The following CAP1 variants were observed in gnomAD, a reference collection of about 807,000 sequenced individuals.
CAP1 encodes the protein cyclase associated actin cytoskeleton regulatory protein 1.
Under a neutral mutation model 58.2 loss-of-function variants are expected in CAP1, and 11 were observed. That is an observed-to-expected ratio of 0.19 (90% CI 0.12 to 0.31). CAP1 has a LOEUF of 0.31. Ranked by LOEUF, CAP1 falls within the 10% of genes least tolerant of loss-of-function variation. CAP1 has a pLI of 1.00. For synonymous variants in CAP1, 183 were observed against 213.8 expected (o/e 0.86, Z 1.26); for missense variants, 423 against 587.5 (o/e 0.72, Z 2.89).
intron 1 of CAP1, among the ~76,000 whole-genome samples, chr1:40,042,902 C>T (rs1021741981): frequency 1.3e-5 from 2 of 152,068 alleles, no homozygotes; most frequent in African/African-American, 4.8e-5. Flanking sequence ...AGCGCGATTG[C>T]CTGGCTTTCT....
At chr1:40,047,094 T>A (rs927835532) in intron 1 of CAP1, among the ~76,000 whole-genome samples, 1 of 135,742 alleles carries the variant, frequency 7.4e-6, no homozygotes, top group Non-Finnish European at 1.6e-5. Context: ...ACAGTAAAAA[T>A]AGGGTATTAT....
intron 12 of CAP1, 37 bp from the exon 13 acceptor site, chr1:40,071,413 C>T: frequency 9.0e-6 from 13 of 1,452,234 alleles, no homozygotes; most frequent in African/African-American, 2.8e-5. Context: ...TGTTCTTTAG[C>T]TCAGATTTAA....
In CAP1 at chr1:40,054,193, C is replaced by CTTTTTTTTTTTT. The variant is rs398052925; in HGVS notation, c.-10-5141_-10-5130dup. On this transcript the variant is annotated intron_variant, in intron 1 of 12. Transcript: ENST00000372805. ...CAAACACCTTTATTAGCCCACTGTT[C>CTTTTTTTTTTTT]TTTTTTTTTTTTTTGGAAACATAAT... Among the ~76,000 whole-genome samples, 784 of 135,898 alleles carry CTTTTTTTTTTTT rather than the reference C, an allele frequency of 5.8e-3. 7 individuals carry two copies. Among genetic ancestry groups the CTTTTTTTTTTTT allele is most frequent in the Admixed American group, 0.021 (275 of 13,062 alleles). 89.2% of individuals were successfully genotyped at this position (135,898 alleles called of 152,430 possible). A position where few individuals can be genotyped will look rare whatever the true frequency, so the allele number is the denominator to read the frequency against.
At chr1:40,055,770 A>G (rs1036978174) in intron 1 of CAP1, among the ~76,000 whole-genome samples, 4 of 152,182 alleles carry the variant, frequency 2.6e-5, no homozygotes, top group South Asian at 4.1e-4. Flanking sequence ...TGGCCTCCCA[A>G]AGTGCTGGGA....
chr1:40,069,990 A>T, intron 9 of CAP1, 116 bp downstream of exon 9: 1 of 1,386,750 alleles, frequency 7.2e-7, no homozygotes, highest in Non-Finnish European at 9.7e-7. Context: ...GCTTACCGCA[A>T]CCTCCGCCTC....
chr1:40,053,507 ATGGC>A (rs1219727350), intron 1 of CAP1, among the ~76,000 whole-genome samples: 1 of 152,010 alleles, frequency 6.6e-6, no homozygotes, highest in Non-Finnish European at 1.5e-5. Flanking sequence ...CTGGAGTGTA[ATGGC>A]GTGAACTCGG....
At chr1:40,045,643 C>T (rs1208869481) in intron 1 of CAP1, among the ~76,000 whole-genome samples, 4 of 152,096 alleles carry the variant, frequency 2.6e-5, no homozygotes, top group Non-Finnish European at 5.9e-5. Flanking sequence ...GCAACCTCCC[C>T]CTCCCGGGTT....
At position 40,042,183 on chromosome 1, in the gene CAP1, G is replaced by A. The variant is rs1467313178; in HGVS notation, c.-11+1382G>A. ...TGATCCACCGTGCCCGGCCCCACCA[G>A]ACGTTTATTAAGACCTTAATATGTA... On this transcript the variant is annotated intron_variant, in intron 1 of 12. Transcript: ENST00000372805. Among the ~76,000 whole-genome samples, 3 of 152,208 alleles carry A rather than the reference G, an allele frequency of 2.0e-5. No individual in the cohort carries two copies. The East Asian group carries it at 5.8e-4, about 29-fold the overall frequency.
chr1:40,063,547 C>T (rs895625486), intron 4 of CAP1, among the ~76,000 whole-genome samples: 19 of 152,180 alleles, frequency 1.2e-4, no homozygotes, highest in African/African-American at 4.6e-4. Flanking sequence ...CTCCTGGTCT[C>T]AAGCAGTTCT....
At chr1:40,058,031 C>T (rs1400722274) in intron 1 of CAP1, among the ~76,000 whole-genome samples, 1 of 152,200 alleles carries the variant, frequency 6.6e-6, no homozygotes, top group Non-Finnish European at 1.5e-5. Flanking sequence ...TGAACATCTA[C>T]TACCTGCCAG....
chr1:40,058,759 A>G (rs72937415), intron 1 of CAP1, among the ~76,000 whole-genome samples: 4,277 of 152,158 alleles, frequency 0.028, 201 homozygotes, highest in African/African-American at 0.095. Flanking sequence ...TAAACATCCT[A>G]TTCATCTTGG....
At chr1:40,052,223 G>T (rs547445173) in intron 1 of CAP1, among the ~76,000 whole-genome samples, 2 of 152,088 alleles carry the variant, frequency 1.3e-5, no homozygotes, top group African/African-American at 2.4e-5. Context: ...GTGATTACTC[G>T]TATCTATGAA....
At chr1:40,050,755 T>C (rs1646326327) in intron 1 of CAP1, among the ~76,000 whole-genome samples, 1 of 152,174 alleles carries the variant, frequency 6.6e-6, no homozygotes, top group Non-Finnish European at 1.5e-5. Context: ...TAGACCCTAA[T>C]ATCATCACTT....
chr1:40,071,665 C>T lies in CAP1; in HGVS notation c.*132C>T. The T allele has an allele frequency of 1.6e-6, 1 of 619,974 alleles. No individual in the cohort carries two copies. The highest frequency in any genetic ancestry group is 1.8e-5 in the African/African-American group (1 of 54,202). 38.4% of individuals were successfully genotyped at this position (619,974 alleles called of 1,614,324 possible). On this transcript the variant is annotated 3_prime_UTR_variant, in exon 13 of 13. Transcript: ENST00000372805. ...TCTCTGCTCTGAGAAGCACAGCTACCTGCCTTCACTGAAATATACCTCAGG... is the reference window on the plus strand; with the variant it reads ...TCTCTGCTCTGAGAAGCACAGCTACTTGCCTTCACTGAAATATACCTCAGG...
intron 1 of CAP1, among the ~76,000 whole-genome samples, chr1:40,049,953 A>G (rs138056094): frequency 1.3e-5 from 2 of 152,278 alleles, no homozygotes; most frequent in East Asian, 3.9e-4. Context: ...ATGACCTCCT[A>G]GGGCAGAACC....
intron 1 of CAP1, among the ~76,000 whole-genome samples, chr1:40,053,912 T>C (rs1557680501): frequency 6.6e-6 from 1 of 152,246 alleles, no homozygotes; most frequent in Non-Finnish European, 1.5e-5. Flanking sequence ...CTATATTTAA[T>C]TGATATTATA....
intron 1 of CAP1, among the ~76,000 whole-genome samples, chr1:40,049,724 C>A (rs4556345): frequency 0.12 from 18,094 of 152,092 alleles, 1,202 homozygotes; most frequent in East Asian, 0.23. Flanking sequence ...GAAGCTTTGT[C>A]TTCTTTTCAA....
chr1:40,045,618 T>G (rs1432896582), intron 1 of CAP1, among the ~76,000 whole-genome samples: 6 of 152,148 alleles, frequency 3.9e-5, no homozygotes, highest in African/African-American at 1.4e-4. Flanking sequence ...TGCAGTGGCG[T>G]GATCTTGGCT....
chr1:40,070,757 G>C (rs1054937975), intron 11 of CAP1, 79 bp from the exon 12 acceptor site: 1 of 1,339,946 alleles, frequency 7.5e-7, no homozygotes, highest in East Asian at 2.3e-5. Context: ...TGAGTCACGT[G>C]AAACAGGAAA....
Sources: gnomAD v4.1 joint callset for allele counts (sites outside exome capture counted in the v4.1 genomes callset) on GRCh38, gnomAD v4.1.1 for gene constraint, MANE v1.5 for transcripts, NCBI Gene and HGNC (gene_info 2026-07-23, HGNC 2026-07-21) for gene names.